Variants in TBX1 observed in about 807,000 individuals in gnomAD.
TBX1 encodes the protein T-box transcription factor TBX1.
Under a neutral mutation model 40.8 loss-of-function variants are expected in TBX1, and 16 were observed. The observed-to-expected ratio is 0.39, with a 90% confidence interval of 0.27 to 0.60. TBX1 has a LOEUF of 0.60. Among genes scored for constraint, TBX1 ranks in the 20% least tolerant of loss-of-function variants. The pLI is 0.51. For missense variants in TBX1, 755 were observed against 728.5 expected (o/e 1.04, Z -0.42); for synonymous variants, 403 against 336.8 (o/e 1.20, Z -2.15).
rs950992159 is a variant in TBX1 at position 19,763,266 on chromosome 22, A to C, written c.463A>C (p.Lys155Gln). The C allele has an allele frequency of 2.5e-6, 4 of 1,614,034 alleles. No individual in the cohort carries two copies. The highest frequency in any genetic ancestry group is 1.7e-5 in the Admixed American group (1 of 60,006). ...GRRMFPTFQV[K>Q]LFGMDPMADY... ...GCGGATGTTTCCCACCTTCCAAGTG[A>C]AGCTCTTCGGCATGGATCCCATGGC... Residue 155 changes from lysine (K) to glutamine (Q), a missense_variant, in exon 2 of 7, where the codon AAG (lysine) becomes CAG (glutamine). This residue lies in a region of TBX1 where 144 missense variants were observed against 238.0 expected (regional missense o/e 0.61). Transcript: ENST00000649276.
At chr22:19,782,218 G>A (rs912159237), downstream of TBX1, among the ~76,000 whole-genome samples, 2 of 152,210 alleles carry the variant, frequency 1.3e-5, no homozygotes, top group Admixed American at 6.5e-5. Flanking sequence ...TGAAGGGAAT[G>A]CATTGAATCT....
intron 2 of TBX1, 33 bp from the exon 3 acceptor site, chr22:19,764,122 C>G: frequency 6.2e-7 from 1 of 1,611,702 alleles, no homozygotes; most frequent in Non-Finnish European, 8.5e-7. Context: ...GGGTTCACCT[C>G]CACATGCACG....
chr22:19,766,528 C>G lies in TBX1; in HGVS notation c.1176C>G (p.Val392=). The change falls in exon 7 of 7, where the codon GTC becomes GTG. Residue 392 remains valine (V), a synonymous_variant. Transcript: ENST00000649276. ...LPGAGGAGGL[V]PLPGAPGGRP... Reference sequence around the variant, plus strand: ...GGGCCGGCGGCGCCGGCGGCTTAGTCCCGCTGCCCGGCGCGCCCGGAGGCC... The same window carrying G: ...GGGCCGGCGGCGCCGGCGGCTTAGTGCCGCTGCCCGGCGCGCCCGGAGGCC... The G allele has an allele frequency of 7.5e-7, 1 of 1,338,866 alleles. No individual in the cohort carries two copies. Among genetic ancestry groups the G allele is most frequent in the Non-Finnish European group, 9.5e-7 (1 of 1,050,040 alleles). 82.9% of individuals were successfully genotyped at this position (1,338,866 alleles called of 1,614,324 possible).
chr22:19,760,924 G>C lies in TBX1; in HGVS notation c.81G>C (p.Leu27=). ...CDVAAFTASS[L]SSLGAAGGFP... ...TTGCAGCCTTCACGGCCAGCAGCCT[G>C]AGCAGCCTGGGGGCCGCGGGGGGCT... The change falls in exon 1 of 7, where the codon CTG becomes CTC. Residue 27 remains leucine (L), a synonymous_variant. Coordinates refer to ENST00000649276, the MANE Select transcript of TBX1 (RefSeq NM_001379200.1). The C allele has an allele frequency of 9.6e-7, 1 of 1,045,814 alleles. No homozygotes were observed. Among genetic ancestry groups the C allele is most frequent in the Non-Finnish European group, 1.2e-6 (1 of 860,382 alleles). The allele number at this position is 1,045,814 out of a possible 1,614,324, so 64.8% of individuals were successfully genotyped here.
downstream of TBX1, among the ~76,000 whole-genome samples, chr22:19,770,496 C>T (rs1329973625): frequency 6.6e-6 from 1 of 152,236 alleles, no homozygotes; most frequent in Admixed American, 6.5e-5. Flanking sequence ...CCCAGGAAAG[C>T]ACTGGAGGTG....
At chr22:19,766,042 C>T in intron 6 of TBX1, 40 bp downstream of exon 6, 3 of 1,449,012 alleles carry the variant, frequency 2.1e-6, no homozygotes, top group Non-Finnish European at 2.7e-6. Flanking sequence ...CGGCCCTGTG[C>T]GCGCTCTACC....
chr22:19,770,404 A>AC (rs989559421), downstream of TBX1, among the ~76,000 whole-genome samples: 9 of 151,474 alleles, frequency 5.9e-5, no homozygotes, highest in East Asian at 1.4e-3. Context: ...TTTTCAGAAG[A>AC]CCCCCCCACG....
At position 19,766,419 on chromosome 22, in the gene TBX1, G is replaced by C; in HGVS notation, c.1067G>C (p.Arg356Pro). 7.4e-7 allele frequency: 1 copy of C among 1,343,440 alleles called. No individual in the cohort carries two copies. Among genetic ancestry groups the C allele is most frequent in the South Asian group, 1.7e-5 (1 of 57,538 alleles). The allele number at this position is 1,343,440 out of a possible 1,614,324, so 83.2% of individuals were successfully genotyped here. The stretch of plus-strand genomic sequence containing the variant: ...GCTGAGGCCCGGCGAGAATTCCAGC[G>C]CGACGCGGGCGGGCCAGCAGTGCTC... ...DAAEARREFQ[R>P]DAGGPAVLGD... Residue 356 changes from arginine (R) to proline (P), a missense_variant, in exon 7 of 7, where the codon CGC (arginine) becomes CCC (proline). Physicochemically the swap from Arg to Pro is moderately radical, Grantham distance 103. This residue lies in a region of TBX1 where 412 missense variants were observed against 317.6 expected (regional missense o/e 1.30). Transcript: ENST00000649276.
upstream of TBX1, among the ~76,000 whole-genome samples, chr22:19,760,246 C>T (rs1235310481): frequency 7.3e-6 from 1 of 136,428 alleles, no homozygotes; most frequent in Non-Finnish European, 1.6e-5. Flanking sequence ...ACATAAAAAA[C>T]AAAGGACATA....
chr22:19,778,155 C>T (rs1313818874), intron 8 of TBX1, among the ~76,000 whole-genome samples: 2 of 149,638 alleles, frequency 1.3e-5, no homozygotes, highest in African/African-American at 2.5e-5. Context: ...GCAGTGGCAT[C>T]GTGATCAAGG....
At chr22:19,770,305 C>G (rs1259223304), downstream of TBX1, among the ~76,000 whole-genome samples, 1 of 152,194 alleles carries the variant, frequency 6.6e-6, no homozygotes. Flanking sequence ...ATCCACACCC[C>G]CTTCACACCA....
upstream of TBX1, among the ~76,000 whole-genome samples, chr22:19,758,683 C>G (rs1186253580): frequency 6.6e-6 from 1 of 152,104 alleles, no homozygotes; most frequent in Non-Finnish European, 1.5e-5. Flanking sequence ...GCCCTCCCTG[C>G]GCCCGGCCGG....
downstream of TBX1, among the ~76,000 whole-genome samples, chr22:19,770,973 G>T (rs1456015449): frequency 2.0e-5 from 3 of 152,174 alleles, no homozygotes; most frequent in African/African-American, 7.2e-5. Context: ...TTTCCCTTCA[G>T]CTGTGGTGCT....
In TBX1 at chr22:19,766,372, C is replaced by T. The variant is rs1208955069; in HGVS notation, c.1037-17C>T. Reference sequence around the variant, plus strand: ...CGGCCCCGGCCGGCCGCGCTCACTCCTCGGCCCTCTCCGCAGACGCGGCTG... The same window carrying T: ...CGGCCCCGGCCGGCCGCGCTCACTCTTCGGCCCTCTCCGCAGACGCGGCTG... On this transcript the variant is annotated splice_polypyrimidine_tract_variant and intron_variant, in intron 6 of 6. Transcript: ENST00000649276. 2 of 1,306,718 alleles carry T rather than the reference C, an allele frequency of 1.5e-6. No homozygotes were observed. Among genetic ancestry groups the T allele is most frequent in the Admixed American group, 3.9e-5 (1 of 25,708 alleles). The allele number at this position is 1,306,718 out of a possible 1,614,324, so 80.9% of individuals were successfully genotyped here.
At chr22:19,768,487 A>AC (rs1416208590), downstream of TBX1, among the ~76,000 whole-genome samples, 1 of 152,012 alleles carries the variant, frequency 6.6e-6, no homozygotes, top group East Asian at 1.9e-4. Context: ...GAGAGTGAGG[A>AC]CCTCTGCAGC....
intron 8 of TBX1, among the ~76,000 whole-genome samples, chr22:19,775,315 G>A (rs912365401): frequency 9.3e-5 from 14 of 150,468 alleles, no homozygotes; most frequent in Middle Eastern, 7.4e-3. Context: ...GGCTGGTCTC[G>A]AACTCCTGAC....
intron 1 of TBX1, among the ~76,000 whole-genome samples, chr22:19,761,567 C>T (rs1462109605): frequency 4.6e-5 from 7 of 151,790 alleles, no homozygotes; most frequent in Non-Finnish European, 8.8e-5. Flanking sequence ...CCGCCCGCCC[C>T]GCAGCCCCAG....
chr22:19,779,469 T>C, exon 9 of TBX1: 1 of 1,609,714 alleles, frequency 6.2e-7, no homozygotes, highest in Non-Finnish European at 8.5e-7. Context: ...TGGTTCATGT[T>C]TGAAATTTCC....
Position 19,761,441 on chromosome 22 carries a change from C to T in TBX1, c.437+161C>T, listed in dbSNP as rs565725763. 2.3e-3 allele frequency among the ~76,000 whole-genome samples: 353 copies of T among 151,840 alleles called. 1 individual carries two copies. Among genetic ancestry groups the T allele is most frequent in the African/African-American group, 7.6e-3 (317 of 41,512 alleles). On this transcript the variant is annotated intron_variant, in intron 1 of 6. Coordinates refer to ENST00000649276, the MANE Select transcript of TBX1 (RefSeq NM_001379200.1). ...CCCCGCTGCCTCCTTCGCTGTTCGCCGTCCCGGCTCCGGCGACAGCCGCCC... is the reference window on the plus strand; with the variant it reads ...CCCCGCTGCCTCCTTCGCTGTTCGCTGTCCCGGCTCCGGCGACAGCCGCCC...
Sources: gnomAD v4.1 joint callset for allele counts (sites outside exome capture counted in the v4.1 genomes callset) on GRCh38, gnomAD v4.1.1 for gene constraint, gnomAD v4.1.1 regional missense constraint, MANE v1.5 for transcripts, NCBI Gene and HGNC (gene_info 2026-07-23, HGNC 2026-07-21) for gene names.